Variants in WDR41 observed in about 807,000 individuals in gnomAD.
The protein encoded by WDR41 is WD repeat-containing protein 41.
In WDR41, 63 loss-of-function variants were observed where a neutral mutation model predicts 69.3. That is an observed-to-expected ratio of 0.91 (90% CI 0.74 to 1.12). The LOEUF (loss-of-function observed/expected upper bound fraction) is 1.12, where lower values mean the gene tolerates loss of function less well. WDR41 is among the 50% of genes most tolerant of loss of function. The pLI, the probability that WDR41 is intolerant of heterozygous loss-of-function variation, is 0.00. For missense variants in WDR41, 543 were observed against 534.5 expected, an observed-to-expected ratio of 1.02 and a Z score of -0.16; for synonymous variants, 185 against 192.1, an observed-to-expected ratio of 0.96 and a Z score of 0.31.
rs1798797576 is a variant in WDR41 at position 77,433,250 on chromosome 5, C to G, written c.1265G>C (p.Cys422Ser). 2 of 1,613,748 alleles carry G rather than the reference C, an allele frequency of 1.2e-6. No individual in the cohort carries two copies. The highest frequency in any genetic ancestry group is 2.7e-5 in the African/African-American group (2 of 74,888). The part of the protein sequence containing the change: ...LYFEDHGLVT[C>S]SADHLIILWK... Reference sequence around the variant, plus strand: ...CAAAATAATGAGATGATCAGCGGAGCACGTCACTAGTCCATGATCTTCAAA... The same window carrying G: ...CAAAATAATGAGATGATCAGCGGAGGACGTCACTAGTCCATGATCTTCAAA... The change falls in exon 13 of 13, where the codon TGC becomes TCC. Residue 422 changes from cysteine to serine, a missense_variant. By Grantham distance (112) the Cys-to-Ser change is moderately radical. Coordinates refer to ENST00000296679, the MANE Select transcript of WDR41 (RefSeq NM_018268.4).
chr5:77,479,162 G>A (rs1390462928), intron 2 of WDR41, among the ~76,000 whole-genome samples: 4 of 151,956 alleles, frequency 2.6e-5, no homozygotes, highest in Admixed American at 2.6e-4. Flanking sequence ...ACTGCTCAAT[G>A]AAATAAAAGA....
chr5:77,482,518 GT>G (rs984061989), intron 2 of WDR41, among the ~76,000 whole-genome samples: 1 of 151,374 alleles, frequency 6.6e-6, no homozygotes, highest in African/African-American at 2.4e-5. Context: ...CACAGTCTGG[GT>G]TTTTTTTCCT....
At chr5:77,471,774 C>T (rs919597601) in intron 2 of WDR41, among the ~76,000 whole-genome samples, 6 of 151,976 alleles carry the variant, frequency 3.9e-5, no homozygotes, top group Admixed American at 2.0e-4. Flanking sequence ...CTGAAATTGA[C>T]GCAATAATTA....
chr5:77,463,041 T>C (rs1375923998), intron 4 of WDR41, 54 bp downstream of exon 4: 3 of 1,585,388 alleles, frequency 1.9e-6, no homozygotes, highest in Non-Finnish European at 2.6e-6. Context: ...ATAGTGTATG[T>C]AGTGGCTCCT....
intron 2 of WDR41, among the ~76,000 whole-genome samples, chr5:77,478,111 C>G (rs187695155): frequency 0.61 from 92,465 of 151,870 alleles, 29,876 homozygotes; most frequent in African/African-American, 0.83. Flanking sequence ...TACACCCTCC[C>G]AAGACTAAAC....
At chr5:77,498,070 G>C (rs1801960751) in intron 1 of WDR41, among the ~76,000 whole-genome samples, 1 of 152,160 alleles carries the variant, frequency 6.6e-6, no homozygotes, top group African/African-American at 2.4e-5. Context: ...AAATAGAACA[G>C]AGGTTACCAG....
At chr5:77,457,688 A>T (rs200044079) in intron 5 of WDR41, among the ~76,000 whole-genome samples, 2 of 113,652 alleles carry the variant, frequency 1.8e-5, no homozygotes, top group South Asian at 6.7e-4. Context: ...CAACCCTTAT[A>T]AAAAATTTTG....
chr5:77,520,680 G>A lies in WDR41; in HGVS notation c.43-31108C>T, dbSNP rs76573894. Among the ~76,000 whole-genome samples, 1,338 of 152,196 alleles carry A rather than the reference G, an allele frequency of 8.8e-3. 25 individuals are homozygous for A. The highest frequency in any genetic ancestry group is 0.031 in the African/African-American group (1,285 of 41,502). On this transcript the variant is annotated intron_variant, in intron 1 of 5. Transcript: ENST00000509971. ...TGAAAATGAACTTCCTTTCAGATCT[G>A]AACCCCATAAAGCTGAAGGTCACTT... is the stretch of plus-strand genomic sequence containing the variant.
intron 4 of WDR41, 43 bp from the exon 5 acceptor site, chr5:77,459,167 A>G: frequency 7.2e-7 from 1 of 1,392,378 alleles, no homozygotes; most frequent in Non-Finnish European, 1.0e-6. Flanking sequence ...GAATTTTAAA[A>G]TCTTAATTAT....
intron 1 of WDR41, among the ~76,000 whole-genome samples, chr5:77,592,072 T>G (rs963859178): frequency 2.0e-5 from 3 of 152,176 alleles, no homozygotes; most frequent in Admixed American, 2.0e-4. Context: ...AATTTAGAAC[T>G]ATGTGGGATT....
At chr5:77,551,339 A>T (rs7704954) in intron 1 of WDR41, among the ~76,000 whole-genome samples, 2 of 151,898 alleles carry the variant, frequency 1.3e-5, no homozygotes, top group East Asian at 1.9e-4. Context: ...GATATTCAAA[A>T]GCTAATTTTA....
At position 77,613,536 on chromosome 5, in the gene WDR41, A is replaced by C. The variant is rs1352374289; in HGVS notation, c.42+6943T>G. 1.2e-4 allele frequency among the ~76,000 whole-genome samples: 19 copies of C among 152,048 alleles called. No individual in the cohort carries two copies. The South Asian group carries it at 2.7e-3, about 22-fold the overall frequency. Reference sequence around the variant, plus strand: ...CTTTGACAAACCTGAGAAAAACAAGAAATGGGGAAAGGATTCCCTATTTAA... The same window carrying C: ...CTTTGACAAACCTGAGAAAAACAAGCAATGGGGAAAGGATTCCCTATTTAA... On this transcript the variant is annotated intron_variant, in intron 1 of 5. Transcript: ENST00000509971.
At chr5:77,604,550 G>A (rs900483057) in intron 1 of WDR41, among the ~76,000 whole-genome samples, 1 of 152,132 alleles carries the variant, frequency 6.6e-6, no homozygotes, top group South Asian at 2.1e-4. Flanking sequence ...AGGACGTTTT[G>A]TCCTTAAGTT....
intron 1 of WDR41, among the ~76,000 whole-genome samples, chr5:77,525,540 C>T (rs938583031): frequency 3.3e-5 from 5 of 151,922 alleles, no homozygotes; most frequent in South Asian, 4.2e-4. Flanking sequence ...AAACAGGAAC[C>T]ACAAAAAAAA....
At chr5:77,560,089 G>A (rs114748916) in intron 1 of WDR41, among the ~76,000 whole-genome samples, 5 of 152,118 alleles carry the variant, frequency 3.3e-5, no homozygotes, top group Non-Finnish European at 5.9e-5. Context: ...TGATTGAAAG[G>A]CTTGCTCAAA....
chr5:77,440,288 AGAGAT>A (rs1241208585), intron 9 of WDR41, among the ~76,000 whole-genome samples: 1 of 152,204 alleles, frequency 6.6e-6, no homozygotes, highest in Admixed American at 6.5e-5. Context: ...TTTTCAGATC[AGAGAT>A]AAGATTCAGT....
intron 2 of WDR41, among the ~76,000 whole-genome samples, chr5:77,485,936 T>A (rs1262260356): frequency 6.6e-6 from 1 of 151,964 alleles, no homozygotes; most frequent in African/African-American, 2.4e-5. Flanking sequence ...ACCTGGATTA[T>A]AACAGCTGAC....
intron 2 of WDR41, among the ~76,000 whole-genome samples, chr5:77,465,592 T>C (rs1800269218): frequency 6.6e-6 from 1 of 152,080 alleles, no homozygotes; most frequent in Admixed American, 6.6e-5. Context: ...CAAAGTAGTA[T>C]AAATAATCAC....
intron 2 of WDR41, among the ~76,000 whole-genome samples, chr5:77,478,538 T>C (rs1417481137): frequency 3.3e-5 from 5 of 152,288 alleles, no homozygotes; most frequent in Admixed American, 6.5e-5. Flanking sequence ...AATCAATAAA[T>C]GTAATCCATC....
Sources: allele counts gnomAD v4.1 joint callset (sites outside exome capture counted in the v4.1 genomes callset), GRCh38; gene constraint gnomAD v4.1.1; transcripts MANE v1.5; gene names NCBI Gene and HGNC (gene_info 2026-07-23, HGNC 2026-07-21).